Variants in CLIP2 observed in about 807,000 individuals in gnomAD.
CLIP2 encodes CAP-Gly domain-containing linker protein 2.
A neutral mutation model predicts 111.7 loss-of-function variants in CLIP2; 41 were observed. That is an observed-to-expected ratio of 0.37 (90% CI 0.29 to 0.48). The LOEUF (loss-of-function observed/expected upper bound fraction) is 0.48. Among genes scored for constraint, CLIP2 ranks in the 20% least tolerant of loss-of-function variants. The pLI is 0.99. For synonymous variants in CLIP2, 660 were observed against 644.2 expected (o/e 1.02, Z -0.37); for missense variants, 1,160 against 1,422.1 (o/e 0.82, Z 2.96).
In CLIP2 at chr7:74,400,614, C is replaced by CAGTGT; in HGVS notation, c.3066+59_3066+60insAGTGT. 3 of 1,440,610 alleles carry CAGTGT rather than the reference C, an allele frequency of 2.1e-6. No individual in the cohort carries two copies. The South Asian group carries it at 4.2e-5, about 20-fold the overall frequency. The allele number at this position is 1,440,610 out of a possible 1,614,324, so 89.2% of individuals were successfully genotyped here. ...AAGCCACGGGGCAGTGTCCTCGGAG[C>CAGTGT]CCCCGTCTGATGCGGGAGGCAGCCT... On this transcript the variant is annotated intron_variant, in intron 15 of 16. Transcript: ENST00000223398.
intron 1 of CLIP2, among the ~76,000 whole-genome samples, chr7:74,309,744 G>T (rs1190123138): frequency 6.6e-6 from 1 of 151,054 alleles, no homozygotes; most frequent in East Asian, 1.9e-4. Context: ...TGTAGTTCCA[G>T]CTACTTGGGA....
At chr7:74,378,494 T>C (rs1211782562) in intron 10 of CLIP2, among the ~76,000 whole-genome samples, 1 of 152,000 alleles carries the variant, frequency 6.6e-6, no homozygotes, top group Non-Finnish European at 1.5e-5. Context: ...AATTCCAGCA[T>C]TTCGAGAGGC....
At chr7:74,370,213 T>C (rs1790576212) in intron 8 of CLIP2, among the ~76,000 whole-genome samples, 1 of 148,442 alleles carries the variant, frequency 6.7e-6, no homozygotes, top group Non-Finnish European at 1.5e-5. Context: ...TCCCAGCACT[T>C]TGGGAGGCCG....
intron 8 of CLIP2, among the ~76,000 whole-genome samples, chr7:74,369,376 AAAAT>A (rs1382714149): frequency 4.6e-5 from 7 of 151,848 alleles, no homozygotes; most frequent in Non-Finnish European, 1.0e-4. Context: ...ACAAAGAAAC[AAAAT>A]AAATAAAATA....
chr7:74,317,659 C>A lies in CLIP2; in HGVS notation c.113C>A (p.Ser38Tyr). 6.7e-7 allele frequency: 1 copy of A among 1,489,462 alleles called. No individual in the cohort carries two copies. Among genetic ancestry groups the A allele is most frequent in the Non-Finnish European group, 9.0e-7 (1 of 1,112,040 alleles). 92.3% of individuals were successfully genotyped at this position (1,489,462 alleles called of 1,614,324 possible). ...ASSSAAVAAS[S>Y]KEGSPLHKQS... Reference sequence around the variant, plus strand: ...TCCTCGGCGGCGGTGGCCGCTAGCTCCAAGGAAGGTACGTGGCACACCAAG... The same window carrying A: ...TCCTCGGCGGCGGTGGCCGCTAGCTACAAGGAAGGTACGTGGCACACCAAG... Residue 38 changes from serine to tyrosine, a missense_variant, in exon 2 of 17, where the codon TCC (serine) becomes TAC (tyrosine). Ser to Tyr is a moderately radical substitution (Grantham distance 144, BLOSUM62 -2). This residue lies in a region of CLIP2 where 301 missense variants were observed against 315.2 expected (regional missense o/e 0.96). Transcript: ENST00000223398.
At chr7:74,371,686 G>T (rs533356637) in intron 8 of CLIP2, among the ~76,000 whole-genome samples, 1 of 138,042 alleles carries the variant, frequency 7.2e-6, no homozygotes, top group South Asian at 2.7e-4. Context: ...GAGAGAGACG[G>T]GGGGGAGAAA....
At chr7:74,311,647 C>T (rs1011745664) in intron 1 of CLIP2, among the ~76,000 whole-genome samples, 6 of 152,166 alleles carry the variant, frequency 3.9e-5, no homozygotes, top group African/African-American at 1.4e-4. Flanking sequence ...TGGTGGCTCA[C>T]ACCTGTAACC....
chr7:74,372,961 TG>T lies in CLIP2; in HGVS notation c.1414del (p.Glu472SerfsTer20). The T allele has an allele frequency of 7.0e-7, 1 of 1,433,328 alleles. No homozygotes were observed. Among genetic ancestry groups the T allele is most frequent in the Non-Finnish European group, 9.3e-7 (1 of 1,072,904 alleles). The allele number at this position is 1,433,328 out of a possible 1,614,324, so 88.8% of individuals were successfully genotyped here. A position where few individuals can be genotyped will look rare whatever the true frequency, so the allele number is the denominator to read the frequency against. ...AGACGCAGCTGGAGCACGCGCGCAT[TG>T]GGGAGCTGGAACAGAGCCTGCTACT... is the stretch of plus-strand genomic sequence containing the variant. The part of the protein sequence containing the change: ...TQTQLEHARI[G>X]ELEQSLLLEK... On this transcript the variant is annotated frameshift_variant, in exon 9 of 17. Coordinates refer to ENST00000223398, the MANE Select transcript of CLIP2 (RefSeq NM_003388.5). LOFTEE classifies it high-confidence loss of function.
intron 11 of CLIP2, among the ~76,000 whole-genome samples, chr7:74,383,892 T>G (rs1158905232): frequency 1.3e-5 from 2 of 152,102 alleles, no homozygotes; most frequent in Non-Finnish European, 2.9e-5. Flanking sequence ...TAGCAGTGCT[T>G]CTCCATCCTC....
chr7:74,318,187 C>G (rs1210208001), intron 2 of CLIP2, among the ~76,000 whole-genome samples: 1 of 151,564 alleles, frequency 6.6e-6, no homozygotes, highest in African/African-American at 2.4e-5. Flanking sequence ...GTAGAGGGAA[C>G]AGCACATGCA....
chr7:74,361,588 G>A (rs1790333000), intron 7 of CLIP2, among the ~76,000 whole-genome samples: 1 of 152,080 alleles, frequency 6.6e-6, no homozygotes, highest in South Asian at 2.1e-4. Flanking sequence ...TTTGGCCATG[G>A]CTCACTGCAG....
chr7:74,329,085 T>C (rs1262212442), intron 2 of CLIP2, among the ~76,000 whole-genome samples: 1 of 124,704 alleles, frequency 8.0e-6, no homozygotes, highest in Non-Finnish European at 1.7e-5. Flanking sequence ...TTTTTTTTTT[T>C]GGTTTTTTTT....
At chr7:74,312,455 G>A (rs1027250689) in intron 1 of CLIP2, among the ~76,000 whole-genome samples, 1 of 152,070 alleles carries the variant, frequency 6.6e-6, no homozygotes, top group South Asian at 2.1e-4. Context: ...GCTGAGCCAC[G>A]GGAGCAGGAG....
chr7:74,351,749 C>T (rs555522), intron 3 of CLIP2, among the ~76,000 whole-genome samples: 94,349 of 152,030 alleles, frequency 0.62, 30,639 homozygotes, highest in Middle Eastern at 0.74. Flanking sequence ...TGCTGGAGAA[C>T]CGCTTGAACC....
chr7:74,389,270 CGTGGGG>C lies in CLIP2; in HGVS notation c.2720+12_2720+17del. On this transcript the variant is annotated intron_variant, in intron 13 of 16. Coordinates refer to ENST00000223398, the MANE Select transcript of CLIP2 (RefSeq NM_003388.5). Reference sequence around the variant, plus strand: ...GCTGCGGAAGGAGCGGTGAGGCGGCCGTGGGGCCGGCTGGGTCCTCCCTGTGGCCCT... The same window carrying C: ...GCTGCGGAAGGAGCGGTGAGGCGGCCCCGGCTGGGTCCTCCCTGTGGCCCT... The C allele has an allele frequency of 1.3e-6, 2 of 1,569,828 alleles. No individual in the cohort carries two copies. The highest frequency in any genetic ancestry group is 1.7e-6 in the Non-Finnish European group (2 of 1,159,460).
intron 8 of CLIP2, among the ~76,000 whole-genome samples, chr7:74,367,349 C>G (rs1327249952): frequency 2.6e-5 from 4 of 152,108 alleles, no homozygotes; most frequent in Non-Finnish European, 5.9e-5. Flanking sequence ...CACCACCATG[C>G]CCGGCTAATT....
At chr7:74,329,108 A>G (rs1460183976) in intron 2 of CLIP2, among the ~76,000 whole-genome samples, 1 of 29,390 alleles carries the variant, frequency 3.4e-5, no homozygotes. Context: ...TTTTTTTTTT[A>G]GTAGAGACGA....
chr7:74,327,754 C>G (rs1789156912), intron 2 of CLIP2, among the ~76,000 whole-genome samples: 1 of 152,110 alleles, frequency 6.6e-6, no homozygotes, highest in Non-Finnish European at 1.5e-5. Context: ...TCCTAATGTC[C>G]CTGACGTGGT....
Position 74,357,480 on chromosome 7 carries a change from G to A in CLIP2, c.1215+3G>A. On this transcript the variant is annotated splice_donor_region_variant and intron_variant, in intron 6 of 16. Transcript: ENST00000223398. ...TGCTCAAGGCACAGCATGAGCAGGT[G>A]AGTGGCAGGTGGGGCTGGGGGCAGA... 6.2e-7 allele frequency: 1 copy of A among 1,610,080 alleles called. No individual in the cohort carries two copies. Among genetic ancestry groups the A allele is most frequent in the Non-Finnish European group, 8.5e-7 (1 of 1,178,294 alleles).
Sources: gnomAD v4.1 joint callset for allele counts (sites outside exome capture counted in the v4.1 genomes callset) on GRCh38, gnomAD v4.1.1 for gene constraint, gnomAD v4.1.1 regional missense constraint, MANE v1.5 for transcripts, NCBI Gene and HGNC (gene_info 2026-07-23, HGNC 2026-07-21) for gene names.